Variants in C12orf76 observed in about 807,000 individuals in gnomAD.
C12orf76 encodes uncharacterized protein C12orf76.
In C12orf76, 6 loss-of-function variants were observed where a neutral mutation model predicts 6.8. The observed-to-expected ratio is 0.88, with a 90% CI of 0.48 to 1.73. The LOEUF (loss-of-function observed/expected upper bound fraction) is 1.73, where lower values mean the gene tolerates loss of function less well. Among genes scored for constraint, C12orf76 ranks in the 40% most tolerant of loss-of-function variants. The pLI, the probability that C12orf76 is intolerant of heterozygous loss-of-function variation, is 0.01. For missense variants in C12orf76, 99 were observed against 98.2 expected (o/e 1.01, Z -0.03); for synonymous variants, 56 against 43.7 (o/e 1.28, Z -1.11).
chr12:110,048,337 C>A, intron 1 of C12orf76, 26 bp downstream of exon 1: 1 of 1,480,976 alleles, frequency 6.8e-7, no homozygotes. Flanking sequence ...CACTACCCGC[C>A]GCCCGCCAGC....
At chr12:110,052,132 A>T (rs966931551), upstream of C12orf76, among the ~76,000 whole-genome samples, 65 of 148,730 alleles carry the variant, frequency 4.4e-4, no homozygotes, top group Admixed American at 3.9e-3. Flanking sequence ...TCCTGACCTC[A>T]TGATCCGCCC....
intron 2 of C12orf76, among the ~76,000 whole-genome samples, chr12:110,065,426 C>T (rs998691830): frequency 6.6e-6 from 1 of 152,082 alleles, no homozygotes; most frequent in African/African-American, 2.4e-5. Flanking sequence ...CCGCCTTGGC[C>T]TCTCAAAGTG....
intron 2 of C12orf76, among the ~76,000 whole-genome samples, chr12:110,059,411 A>G (rs1892731101): frequency 2.0e-5 from 3 of 152,210 alleles, no homozygotes; most frequent in Non-Finnish European, 4.4e-5. Context: ...AATGTTGAAC[A>G]GCAGCGGTGA....
intron 3 of C12orf76, among the ~76,000 whole-genome samples, chr12:110,057,627 C>A (rs530394245): frequency 1.2e-4 from 19 of 152,186 alleles, no homozygotes; most frequent in African/African-American, 4.3e-4. Context: ...AAGTTAAATC[C>A]CAATTATATT....
At chr12:110,057,701 C>A (rs1892693768) in intron 3 of C12orf76, among the ~76,000 whole-genome samples, 1 of 152,106 alleles carries the variant, frequency 6.6e-6, no homozygotes, top group Non-Finnish European at 1.5e-5. Context: ...TTCCTTTCCA[C>A]TTTTGGGGGT....
intron 3 of C12orf76, among the ~76,000 whole-genome samples, chr12:110,057,995 C>A (rs948381626): frequency 3.1e-5 from 4 of 130,646 alleles, no homozygotes; most frequent in Admixed American, 9.4e-5. Flanking sequence ...ACCCATGAGG[C>A]GGGGATTGCA....
chr12:110,047,667 G>C (rs1593244044), intron 1 of C12orf76, among the ~76,000 whole-genome samples: 1 of 152,210 alleles, frequency 6.6e-6, no homozygotes, highest in African/African-American at 2.4e-5. Context: ...CTGGGTGACA[G>C]AGGAGACACT....
At chr12:110,065,134 A>G (rs1286383378) in intron 2 of C12orf76, among the ~76,000 whole-genome samples, 1 of 151,390 alleles carries the variant, frequency 6.6e-6, no homozygotes, top group Non-Finnish European at 1.5e-5. Context: ...ATATGTATAC[A>G]TATATGTGTG....
At chr12:110,058,065 CAAAAAAA>C (rs59838926) in intron 3 of C12orf76, among the ~76,000 whole-genome samples, 3 of 52,670 alleles carry the variant, frequency 5.7e-5, no homozygotes, top group Non-Finnish European at 7.1e-5. Context: ...GACTCGGTCT[CAAAAAAA>C]AAAAAAAAAA....
chr12:110,065,704 C>A (rs1444370668), intron 2 of C12orf76, among the ~76,000 whole-genome samples: 1 of 152,184 alleles, frequency 6.6e-6, no homozygotes, highest in Non-Finnish European at 1.5e-5. Flanking sequence ...ACACTCTATG[C>A]TCTGCACAGT....
intron 3 of C12orf76, chr12:110,058,845 G>T: frequency 5.6e-6 from 5 of 889,524 alleles, no homozygotes; most frequent in Admixed American, 3.3e-5. Flanking sequence ...ACAATTTTTG[G>T]TAACCCTAAT....
chr12:110,050,539 C>T (rs1008445832), upstream of C12orf76: 62 of 164,948 alleles, frequency 3.8e-4, no homozygotes, highest in Non-Finnish European at 1.7e-4. Flanking sequence ...TGCTATAAAC[C>T]ACCAAAACCA....
intron 2 of C12orf76, among the ~76,000 whole-genome samples, chr12:110,065,212 C>G (rs1289639981): frequency 6.6e-6 from 1 of 151,060 alleles, no homozygotes; most frequent in African/African-American, 2.4e-5. Context: ...GCTGTATCAC[C>G]CAGGCTGGAG....
At chr12:110,060,904 G>A (rs150479753) in intron 2 of C12orf76, among the ~76,000 whole-genome samples, 41 of 151,752 alleles carry the variant, frequency 2.7e-4, no homozygotes, top group South Asian at 4.2e-4. Context: ...GTGTGGTGGC[G>A]GGCACCTGTA....
intron 4 of C12orf76, chr12:110,057,076 C>G (rs1892681549): frequency 2.8e-6 from 2 of 711,080 alleles, no homozygotes; most frequent in Non-Finnish European, 5.0e-6. Flanking sequence ...CCATGGAACC[C>G]TCAGGCTGCT....
rs1264867386 is a variant in C12orf76 at position 110,054,419 on chromosome 12, T to G, written n.664+2770A>C. Among the ~76,000 whole-genome samples, 4 of 152,166 alleles carry G rather than the reference T, an allele frequency of 2.6e-5. No individual in the cohort carries two copies. On this transcript the variant is annotated intron_variant and non_coding_transcript_variant, in intron 4 of 4. Transcript: ENST00000309050. This position sits in a 1 kb window ranked among gnomAD's most constrained non-coding sequence, Gnocchi z 4.4. ...TTACATCGATGAACCTTGAAAACAT[T>G]ATGTCTGCTACCTCAGAGAGGCTAG...
chr12:110,042,596 CCT>C, intron 1 of C12orf76, 137 bp from the exon 2 acceptor site: 1 of 712,282 alleles, frequency 1.4e-6, no homozygotes, highest in Non-Finnish European at 2.6e-6. Flanking sequence ...GTAAACAGAT[CCT>C]CTCTCCAGTT....
chr12:110,053,029 T>C (rs1023003254), upstream of C12orf76, among the ~76,000 whole-genome samples: 5 of 150,866 alleles, frequency 3.3e-5, no homozygotes, highest in East Asian at 5.8e-4. Context: ...GGCGAAACCC[T>C]GTCTCTACTA....
At position 110,055,672 on chromosome 12, in the gene C12orf76, TC is replaced by T. The variant is rs571893886; in HGVS notation, n.664+1516del. Among the ~76,000 whole-genome samples, 604 of 152,172 alleles carry T rather than the reference TC, an allele frequency of 4.0e-3. 3 individuals are homozygous for T. Among genetic ancestry groups the T allele is most frequent in the African/African-American group, 0.014 (569 of 41,516 alleles). ...AGTTTTATTATTACTCAAATCTGTC[TC>T]CCCTAGCAATCAGGGAATGGAGTTT... On this transcript the variant is annotated intron_variant and non_coding_transcript_variant, in intron 4 of 4. Coordinates refer to the C12orf76 transcript ENST00000309050.
Sources: allele counts gnomAD v4.1 joint callset (sites outside exome capture counted in the v4.1 genomes callset), GRCh38; gene constraint gnomAD v4.1.1; non-coding constraint Gnocchi (gnomAD v3.1); transcripts MANE v1.5; gene names NCBI Gene and HGNC (gene_info 2026-07-23, HGNC 2026-07-21).